GPM6A: variants seen among roughly 807,000 people sequenced by gnomAD.
GPM6A encodes the protein glycoprotein M6A.
A neutral mutation model predicts 32.1 loss-of-function variants in GPM6A; 7 were observed. The observed-to-expected ratio is 0.22, with a 90% CI of 0.12 to 0.41. GPM6A has a LOEUF of 0.41. Ranked by LOEUF, GPM6A falls within the 10% of genes least tolerant of loss-of-function variation. The probability of loss-of-function intolerance (pLI) is 1.00; values close to 1 mark genes in which losing one functional copy is unlikely to be tolerated. For missense variants in GPM6A, 235 were observed against 347.2 expected (o/e 0.68, Z 2.57); for synonymous variants, 130 against 123.4 (o/e 1.05, Z -0.35).
At chr4:175,880,302 G>C (rs1475900599) in intron 1 of GPM6A, among the ~76,000 whole-genome samples, 1 of 152,214 alleles carries the variant, frequency 6.6e-6, no homozygotes, top group African/African-American at 2.4e-5. Flanking sequence ...TTGTAGTATA[G>C]TTTGAAGTCA....
At chr4:175,845,792 C>T (rs2111393157) in intron 1 of GPM6A, among the ~76,000 whole-genome samples, 1 of 152,102 alleles carries the variant, frequency 6.6e-6, no homozygotes, top group Non-Finnish European at 1.5e-5. Flanking sequence ...TTAGTATTGT[C>T]AAGACAATCA....
At chr4:175,933,809 G>T (rs773800727) in intron 1 of GPM6A, among the ~76,000 whole-genome samples, 1 of 152,170 alleles carries the variant, frequency 6.6e-6, no homozygotes, top group Non-Finnish European at 1.5e-5. Context: ...CTCCCAAAGT[G>T]CTGGGATTAC....
intron 2 of GPM6A, among the ~76,000 whole-genome samples, chr4:175,695,199 T>G (rs1002769688): frequency 2.0e-5 from 3 of 152,170 alleles, no homozygotes; most frequent in African/African-American, 4.8e-5. Context: ...TAGAGCACTA[T>G]GGAGGGGAAA....
intron 1 of GPM6A, among the ~76,000 whole-genome samples, chr4:175,900,300 AAAAG>A: frequency 6.8e-6 from 1 of 146,772 alleles, no homozygotes. Flanking sequence ...AGAAGAAAAG[AAAAG>A]AAGGAAAGGA....
At chr4:175,861,426 A>G (rs1736569017) in intron 1 of GPM6A, among the ~76,000 whole-genome samples, 1 of 151,688 alleles carries the variant, frequency 6.6e-6, no homozygotes. Flanking sequence ...CAATAATTTT[A>G]ATTCAAACTA....
chr4:175,804,049 C>T (rs1734581965), intron 1 of GPM6A, among the ~76,000 whole-genome samples: 1 of 151,870 alleles, frequency 6.6e-6, no homozygotes, highest in Admixed American at 6.6e-5. Flanking sequence ...TTTGGTAATA[C>T]ATTGGTACTA....
chr4:175,924,350 T>C (rs1467519418), intron 1 of GPM6A, among the ~76,000 whole-genome samples: 1 of 152,184 alleles, frequency 6.6e-6, no homozygotes, highest in Non-Finnish European at 1.5e-5. Context: ...AGAGAATGCT[T>C]TGATGCTCCT....
At chr4:175,962,296 T>G in intron 1 of GPM6A, 1 of 1,235,642 alleles carries the variant, frequency 8.1e-7, no homozygotes, top group Non-Finnish European at 1.2e-6. Flanking sequence ...ACACCAGAAG[T>G]AAAAGTGAGT....
intron 1 of GPM6A, among the ~76,000 whole-genome samples, chr4:175,892,300 T>G (rs754645282): frequency 3.3e-5 from 5 of 152,162 alleles, no homozygotes; most frequent in Admixed American, 6.5e-5. Flanking sequence ...AAAATACATC[T>G]AGAAAAACAA....
intron 1 of GPM6A, among the ~76,000 whole-genome samples, chr4:175,992,062 A>ACGCG (rs533413071): frequency 1.9e-4 from 27 of 142,162 alleles, no homozygotes; most frequent in Admixed American, 2.7e-4. Context: ...ACACACATGC[A>ACGCG]CACACACACA....
chr4:175,746,796 A>G (rs1302895766), intron 1 of GPM6A, among the ~76,000 whole-genome samples: 2 of 152,140 alleles, frequency 1.3e-5, no homozygotes, highest in Non-Finnish European at 2.9e-5. Context: ...GGGCTTCACA[A>G]ACTGATGTGT....
At chr4:175,824,757 AT>A (rs1183006500) in intron 1 of GPM6A, among the ~76,000 whole-genome samples, 4 of 152,026 alleles carry the variant, frequency 2.6e-5, no homozygotes, top group South Asian at 2.1e-4. Context: ...CTAGGCACAT[AT>A]TTTTTTCTTA....
intron 1 of GPM6A, among the ~76,000 whole-genome samples, chr4:175,794,414 A>C (rs1734134376): frequency 6.6e-6 from 1 of 152,202 alleles, no homozygotes; most frequent in African/African-American, 2.4e-5. Flanking sequence ...TGTAGTTTAA[A>C]TATTTCCTTT....
At chr4:175,801,051 A>G (rs143888413) in intron 1 of GPM6A, 1 of 157,798 alleles carries the variant, frequency 6.3e-6, no homozygotes, top group East Asian at 1.9e-4. Context: ...ATTGAACTCA[A>G]GAAACCTAAG....
intron 1 of GPM6A, among the ~76,000 whole-genome samples, chr4:176,000,443 G>A (rs1741442289): frequency 6.6e-6 from 1 of 152,178 alleles, no homozygotes; most frequent in African/African-American, 2.4e-5. Context: ...CATGGGCATT[G>A]AAGCAAAATC....
chr4:175,762,817 A>G (rs1732803291), intron 1 of GPM6A, among the ~76,000 whole-genome samples: 1 of 152,158 alleles, frequency 6.6e-6, no homozygotes, highest in Admixed American at 6.6e-5. Flanking sequence ...ACACTAAGAA[A>G]AACAGAAATA....
chr4:175,762,726 G>A (rs1215353602), intron 1 of GPM6A, among the ~76,000 whole-genome samples: 4 of 152,138 alleles, frequency 2.6e-5, no homozygotes, highest in Non-Finnish European at 5.9e-5. Context: ...TTGGCCACAC[G>A]TGAAAATGCA....
At chr4:175,919,309 T>C (rs566801137) in intron 1 of GPM6A, among the ~76,000 whole-genome samples, 2 of 152,290 alleles carry the variant, frequency 1.3e-5, no homozygotes, top group South Asian at 4.1e-4. Flanking sequence ...AAAGGTGACT[T>C]GTGGGTCTCA....
chr4:175,683,178 T>G lies in GPM6A; in HGVS notation c.231-9342A>C, dbSNP rs988188967. ...GGATAGTGGGACACAGAGTAAAGAT[T>G]ATTTTGGAGCTTTAATATTTAATGA... On this transcript the variant is annotated intron_variant, in intron 2 of 6. Coordinates refer to ENST00000393658, the MANE Select transcript of GPM6A (RefSeq NM_201591.3). Among the ~76,000 whole-genome samples the G allele has an allele frequency of 2.6e-5, 4 of 152,278 alleles. No individual in the cohort carries two copies. The East Asian group carries it at 7.7e-4, about 29-fold the overall frequency.
Sources: gnomAD v4.1 joint callset for allele counts (sites outside exome capture counted in the v4.1 genomes callset) on GRCh38, gnomAD v4.1.1 for gene constraint, MANE v1.5 for transcripts, NCBI Gene and HGNC (gene_info 2026-07-23, HGNC 2026-07-21) for gene names.